Variants in CDH13 observed in about 807,000 individuals in gnomAD.
The protein encoded by CDH13 is cadherin-13.
CDH13 carries 24 observed loss-of-function variants against 63.8 expected under a neutral mutation model. The ratio of observed to expected loss-of-function variants is 0.38; its 90% confidence interval spans 0.27 to 0.53. The LOEUF (loss-of-function observed/expected upper bound fraction) is 0.53, where lower values mean the gene tolerates loss of function less well. Among genes scored for constraint, CDH13 ranks in the 20% least tolerant of loss-of-function variants. The probability of loss-of-function intolerance (pLI) is 0.85; values close to 1 mark genes in which losing one functional copy is unlikely to be tolerated. For synonymous variants in CDH13, 503 were observed against 355.3 expected (o/e 1.42, Z -4.67); for missense variants, 1,049 against 903.1 (o/e 1.16, Z -2.07).
At chr16:83,593,187 G>A (rs1906924916) in intron 7 of CDH13, among the ~76,000 whole-genome samples, 1 of 152,224 alleles carries the variant, frequency 6.6e-6, no homozygotes. Flanking sequence ...GTGATGCCCA[G>A]CTGATCGGGA....
At position 82,752,230 on chromosome 16, in the gene CDH13, A is replaced by G. The variant is rs117240753; in HGVS notation, c.46-106132A>G. Reference sequence around the variant, plus strand: ...GGCCTGAGGTGCAAGAACAATGAATAGAATAATAATCGGAAATGTAATGGA... The same window carrying G: ...GGCCTGAGGTGCAAGAACAATGAATGGAATAATAATCGGAAATGTAATGGA... On this transcript the variant is annotated intron_variant, in intron 1 of 13. Coordinates refer to ENST00000567109, the MANE Select transcript of CDH13 (RefSeq NM_001257.5). Among the ~76,000 whole-genome samples the G allele has an allele frequency of 5.4e-4, 82 of 152,380 alleles. No individual in the cohort carries two copies. The East Asian group carries it at 6.0e-3, about 11-fold the overall frequency.
At chr16:83,775,745 A>G (rs905454263) in intron 11 of CDH13, among the ~76,000 whole-genome samples, 4 of 151,992 alleles carry the variant, frequency 2.6e-5, no homozygotes, top group Admixed American at 2.0e-4. Flanking sequence ...AAAAAGAAAG[A>G]AGTAAAAGAA....
intron 1 of CDH13, among the ~76,000 whole-genome samples, chr16:82,679,324 T>A (rs974388203): frequency 3.9e-5 from 6 of 152,176 alleles, no homozygotes; most frequent in Non-Finnish European, 7.3e-5. Flanking sequence ...ATCACATACC[T>A]GGGAACCTGG....
intron 7 of CDH13, among the ~76,000 whole-genome samples, chr16:83,558,398 G>A (rs781291443): frequency 3.3e-5 from 5 of 152,166 alleles, no homozygotes; most frequent in Non-Finnish European, 7.4e-5. Flanking sequence ...GAATTTAAGA[G>A]CATCTAGATT....
chr16:83,070,756 C>T (rs1297135226), intron 3 of CDH13, among the ~76,000 whole-genome samples: 1 of 151,774 alleles, frequency 6.6e-6, no homozygotes, highest in African/African-American at 2.4e-5. Flanking sequence ...AAGGGAAAGC[C>T]TTGGAAATTC....
chr16:82,820,931 G>A (rs370592511), intron 1 of CDH13, among the ~76,000 whole-genome samples: 5 of 152,222 alleles, frequency 3.3e-5, no homozygotes, highest in South Asian at 4.2e-4. Context: ...AGTCTGGCCC[G>A]GTAAGTCTGT....
intron 7 of CDH13, among the ~76,000 whole-genome samples, chr16:83,554,247 G>T (rs1598280211): frequency 6.6e-6 from 1 of 152,094 alleles, no homozygotes; most frequent in East Asian, 1.9e-4. Context: ...ATGGAGGAGA[G>T]CCAAAATTTG....
chr16:83,110,875 T>C (rs559713335), intron 3 of CDH13, among the ~76,000 whole-genome samples: 3 of 151,944 alleles, frequency 2.0e-5, no homozygotes, highest in Admixed American at 1.3e-4. Context: ...GGACCTTGGG[T>C]TAGACTTGGA....
At chr16:82,963,110 C>A (rs866133652) in intron 2 of CDH13, among the ~76,000 whole-genome samples, 1 of 152,032 alleles carries the variant, frequency 6.6e-6, no homozygotes, top group African/African-American at 2.4e-5. Context: ...GTGGCTCACA[C>A]CTGTAATCCC....
intron 2 of CDH13, among the ~76,000 whole-genome samples, chr16:82,956,150 C>A (rs1344085656): frequency 6.6e-6 from 1 of 151,840 alleles, no homozygotes; most frequent in Non-Finnish European, 1.5e-5. Flanking sequence ...TGCTACTCAC[C>A]GTGCTGTTGC....
chr16:83,615,462 C>A (rs1334273889), intron 8 of CDH13, among the ~76,000 whole-genome samples: 1 of 152,102 alleles, frequency 6.6e-6, no homozygotes, highest in African/African-American at 2.4e-5. Context: ...ATAGTCTAGA[C>A]TCCCTCTTCC....
At chr16:82,878,037 A>T (rs1325634651) in intron 2 of CDH13, among the ~76,000 whole-genome samples, 5 of 152,010 alleles carry the variant, frequency 3.3e-5, no homozygotes, top group Non-Finnish European at 2.9e-5. Flanking sequence ...GATATAGTAA[A>T]ATGTTTGAAA....
chr16:83,004,735 C>T (rs549998459), intron 2 of CDH13, among the ~76,000 whole-genome samples: 4 of 152,206 alleles, frequency 2.6e-5, no homozygotes, highest in South Asian at 2.1e-4. Context: ...TCAAGTGATC[C>T]GCCCACCTCA....
At chr16:83,497,827 A>G (rs899637669) in intron 7 of CDH13, among the ~76,000 whole-genome samples, 4 of 152,204 alleles carry the variant, frequency 2.6e-5, no homozygotes, top group Non-Finnish European at 4.4e-5. Flanking sequence ...TGACTGCAGC[A>G]TGTTATCATA....
Position 82,803,525 on chromosome 16 carries a change from G to A in CDH13, c.46-54837G>A, listed in dbSNP as rs573933226. Among the ~76,000 whole-genome samples, 16 of 152,304 alleles carry A rather than the reference G, an allele frequency of 1.1e-4. No individual in the cohort carries two copies. The South Asian group carries it at 3.1e-3, about 30-fold the overall frequency. On this transcript the variant is annotated intron_variant, in intron 1 of 13. Coordinates refer to ENST00000567109, the MANE Select transcript of CDH13 (RefSeq NM_001257.5). ...CCTTACAATTTTTTCTGAATGGGAA[G>A]TTTAGGGAACGACTCCAATGTTCCT... is the stretch of plus-strand genomic sequence containing the variant.
At chr16:83,216,420 A>ATT (rs1567513935) in intron 4 of CDH13, among the ~76,000 whole-genome samples, 5 of 96,774 alleles carry the variant, frequency 5.2e-5, no homozygotes, top group Admixed American at 2.4e-4. Context: ...ATATATATAT[A>ATT]TATATATATA....
chr16:83,041,895 G>A (rs977116813), intron 3 of CDH13, among the ~76,000 whole-genome samples: 2 of 152,192 alleles, frequency 1.3e-5, no homozygotes, highest in Non-Finnish European at 2.9e-5. Flanking sequence ...GCTAATGGAT[G>A]ATTCTTAATC....
intron 10 of CDH13, among the ~76,000 whole-genome samples, chr16:83,708,215 C>T (rs944637616): frequency 1.3e-5 from 2 of 152,232 alleles, no homozygotes; most frequent in African/African-American, 4.8e-5. Flanking sequence ...TTGCTCATGG[C>T]CACATGCCTT....
intron 13 of CDH13, among the ~76,000 whole-genome samples, chr16:83,792,361 T>TA (rs1400255361): frequency 6.6e-6 from 1 of 151,188 alleles, no homozygotes; most frequent in Admixed American, 6.6e-5. Context: ...ACGAGTCACT[T>TA]ATGTTATCAT....
Sources: allele counts gnomAD v4.1 joint callset (sites outside exome capture counted in the v4.1 genomes callset), GRCh38; gene constraint gnomAD v4.1.1; transcripts MANE v1.5; gene names NCBI Gene and HGNC (gene_info 2026-07-23, HGNC 2026-07-21).